CACNA1B: variants seen among roughly 807,000 people sequenced by gnomAD.
The protein encoded by CACNA1B is calcium voltage-gated channel subunit alpha1 B, also known as voltage-dependent N-type calcium channel subunit alpha-1B.
In CACNA1B, 70 loss-of-function variants were observed where a neutral mutation model predicts 247.2. The ratio of observed to expected loss-of-function variants is 0.28; its 90% confidence interval spans 0.23 to 0.35. CACNA1B has a LOEUF of 0.35. CACNA1B is among the 10% of genes least tolerant of loss of function. The pLI is 1.00. For missense variants in CACNA1B, 2,367 were observed against 3,197.4 expected (o/e 0.74, Z 6.26); for synonymous variants, 1,231 against 1,294.4 (o/e 0.95, Z 1.05).
chr9:138,096,379 C>A, intron 36 of CACNA1B, 105 bp from the exon 37 acceptor site: 2 of 912,566 alleles, frequency 2.2e-6, no homozygotes, highest in South Asian at 1.5e-5. Flanking sequence ...TCAGAGTGAC[C>A]CCTGCTATCC....
At chr9:137,939,755 A>C (rs1957709855) in intron 6 of CACNA1B, among the ~76,000 whole-genome samples, 1 of 151,884 alleles carries the variant, frequency 6.6e-6, no homozygotes, top group Non-Finnish European at 1.5e-5. Context: ...GTGAGCTGAG[A>C]TCACGCCACT....
In CACNA1B at chr9:137,979,086, T is replaced by A. The variant is rs377325942; in HGVS notation, c.1656+3067T>A. ...TGTCTTCCAATCTTCTGATCTGAAC[T>A]GACTGGATCTCAGGACATGGGGATA... On this transcript the variant is annotated intron_variant, in intron 12 of 46. Coordinates refer to ENST00000371372, the MANE Select transcript of CACNA1B (RefSeq NM_000718.4). Among the ~76,000 whole-genome samples the A allele has an allele frequency of 2.6e-5, 4 of 152,258 alleles. No homozygotes were observed. In the East Asian group the frequency reaches 5.8e-4, roughly 22 times the overall value.
chr9:138,091,872 AATAAAG>A (rs1960891098), intron 36 of CACNA1B, among the ~76,000 whole-genome samples: 1 of 152,214 alleles, frequency 6.6e-6, no homozygotes, highest in Non-Finnish European at 1.5e-5. Context: ...TGGTCTGAGA[AATAAAG>A]AGAAAGAGTA....
intron 31 of CACNA1B, among the ~76,000 whole-genome samples, chr9:138,060,120 C>A (rs529796278): frequency 6.6e-6 from 1 of 152,086 alleles, no homozygotes; most frequent in Admixed American, 6.6e-5. Flanking sequence ...TGCCCCCCAC[C>A]GTCTCTCTAT....
chr9:138,023,590 C>G lies in CACNA1B; in HGVS notation c.2847C>G (p.Gly949=). ...RHQDPSKECA[G]AKGERRARHR... ...AGGATCCGAGCAAGGAGTGCGCCGG[C>G]GCCAAGGGCGAGCGGCGCGCGCGGC... is the stretch of plus-strand genomic sequence containing the variant. The change falls in exon 19 of 47, where the codon GGC becomes GGG. Residue 949 remains glycine, a synonymous_variant. Transcript: ENST00000371372. 9.2e-7 allele frequency: 1 copy of G among 1,081,858 alleles called. No homozygotes were observed. Among genetic ancestry groups the G allele is most frequent in the Non-Finnish European group, 1.1e-6 (1 of 889,940 alleles). 67.0% of individuals were successfully genotyped at this position (1,081,858 alleles called of 1,614,324 possible). A position where few individuals can be genotyped will look rare whatever the true frequency, so the allele number is the denominator to read the frequency against.
intron 3 of CACNA1B, among the ~76,000 whole-genome samples, chr9:137,906,697 ATG>A (rs141288799): frequency 3.8e-4 from 57 of 151,768 alleles, no homozygotes; most frequent in African/African-American, 1.2e-3. Context: ...TATTTAACAT[ATG>A]TGTTTCTCTT....
chr9:138,097,918 C>T (rs1961109939), intron 37 of CACNA1B, among the ~76,000 whole-genome samples: 1 of 152,162 alleles, frequency 6.6e-6, no homozygotes, highest in African/African-American at 2.4e-5. Context: ...CTCAGCCTCC[C>T]CGGAGCACCC....
chr9:137,971,273 G>A lies in CACNA1B; in HGVS notation c.1334-110G>A. On this transcript the variant is annotated intron_variant, in intron 10 of 46. Transcript: ENST00000371372. This position sits in a 1 kb window ranked among gnomAD's most constrained non-coding sequence, Gnocchi z 4.4. ...GTCACTGGCACAATTGTCTGTGACCGGCTGGGGCTGGGGGCAGGTGTCCTC... is the reference window on the plus strand; with the variant it reads ...GTCACTGGCACAATTGTCTGTGACCAGCTGGGGCTGGGGGCAGGTGTCCTC... 5.5e-6 allele frequency: 4 copies of A among 726,802 alleles called. No individual in the cohort carries two copies. Among genetic ancestry groups the A allele is most frequent in the Non-Finnish European group, 7.1e-6 (3 of 424,474 alleles). 45.0% of individuals were successfully genotyped at this position (726,802 alleles called of 1,614,324 possible).
chr9:138,055,840 A>C (rs1959474761), intron 26 of CACNA1B, among the ~76,000 whole-genome samples: 1 of 152,088 alleles, frequency 6.6e-6, no homozygotes, highest in African/African-American at 2.4e-5. Context: ...GCCTGGTCAA[A>C]ATAGTGAAAC....
intron 36 of CACNA1B, among the ~76,000 whole-genome samples, chr9:138,089,941 A>G (rs1416144102): frequency 6.6e-6 from 1 of 152,262 alleles, no homozygotes; most frequent in African/African-American, 2.4e-5. Context: ...GATGAAAGAT[A>G]CTGAAGAGGA....
intron 21 of CACNA1B, among the ~76,000 whole-genome samples, chr9:138,044,271 C>T (rs1336011123): frequency 2.6e-5 from 4 of 152,252 alleles, no homozygotes; most frequent in Non-Finnish European, 5.9e-5. Context: ...TGTTTATTTG[C>T]ATGTCTATCC....
chr9:138,023,685 C>T lies in CACNA1B; in HGVS notation c.2942C>T (p.Ala981Val), dbSNP rs1295638734. 5.9e-6 allele frequency: 9 copies of T among 1,519,528 alleles called. No homozygotes were observed. Among genetic ancestry groups the T allele is most frequent in the Non-Finnish European group, 7.1e-6 (8 of 1,132,944 alleles). 94.1% of individuals were successfully genotyped at this position (1,519,528 alleles called of 1,614,324 possible). The change falls in exon 19 of 47, where the codon GCC (alanine) becomes GTC (valine). Residue 981 changes from alanine to valine, a missense_variant. Transcript: ENST00000371372. ...GAGGAGCCGGCGCGGCGGCACCGGG[C>T]CCGGCACAAGGCGCAGCCTGCTCAC... ...SGEEPARRHR[A>V]RHKAQPAHEA...
chr9:137,883,058 G>A, intron 3 of CACNA1B, 175 bp downstream of exon 3: 1 of 684,884 alleles, frequency 1.5e-6, no homozygotes, highest in Non-Finnish European at 2.5e-6. Flanking sequence ...GTGCTATGGG[G>A]GTGCTTCTCC....
At position 137,986,866 on chromosome 9, in the gene CACNA1B, G is replaced by A. The variant is rs752076786; in HGVS notation, c.1974+12G>A. ...TCACTGTCTTCCAGGTAAGGCACCT[G>A]CTCTGCACATTTGCGGCCTGCCCGG... On this transcript the variant is annotated intron_variant, in intron 15 of 46. Transcript: ENST00000371372. The surrounding 1 kb of genome is among the most constrained non-coding windows in gnomAD (Gnocchi z 6.0). The A allele has an allele frequency of 1.2e-6, 2 of 1,608,272 alleles. No individual in the cohort carries two copies. The highest frequency in any genetic ancestry group is 1.7e-6 in the Non-Finnish European group (2 of 1,174,876).
In CACNA1B at chr9:137,882,076, G is replaced by A. The variant is rs562498956; in HGVS notation, c.391-668G>A. ...GCGGTCGTCGCTCAGCACACTCAGG[G>A]CTGAGGTTGTGCTTCTCATTTCTGT... On this transcript the variant is annotated intron_variant, in intron 2 of 46. Transcript: ENST00000371372. This position sits in a 1 kb window ranked among gnomAD's most constrained non-coding sequence, Gnocchi z 4.0. Among the ~76,000 whole-genome samples the A allele has an allele frequency of 6.6e-6, 1 of 152,342 alleles. No homozygotes were observed. The highest frequency in any genetic ancestry group is 2.1e-4 in the South Asian group (1 of 4,826).
At chr9:138,031,957 C>T (rs1958992563) in intron 20 of CACNA1B, among the ~76,000 whole-genome samples, 1 of 151,670 alleles carries the variant, frequency 6.6e-6, no homozygotes. Context: ...TCAATTCTGT[C>T]TTTTATTTTG....
At position 138,073,770 on chromosome 9, in the gene CACNA1B, C is replaced by T. The variant is rs7874239; in HGVS notation, c.4791+166C>T. On this transcript the variant is annotated intron_variant, in intron 33 of 46. Coordinates refer to ENST00000371372, the MANE Select transcript of CACNA1B (RefSeq NM_000718.4). This position sits in a 1 kb window ranked among gnomAD's most constrained non-coding sequence, Gnocchi z 6.4. The stretch of plus-strand genomic sequence containing the variant: ...TGTCATTTATAAAGACGTTTTAAGT[C>T]ATCTGTAGGTTCCCTTGGTCATGCT... 0.38 allele frequency among the ~76,000 whole-genome samples: 57,451 copies of T among 152,118 alleles called. 15,152 individuals carry two copies. The highest frequency in any genetic ancestry group is 0.73 in the African/African-American group (30,410 of 41,478).
intron 6 of CACNA1B, among the ~76,000 whole-genome samples, chr9:137,942,326 A>G (rs1402358786): frequency 1.3e-5 from 2 of 152,224 alleles, no homozygotes; most frequent in African/African-American, 4.8e-5. Flanking sequence ...TAAAAATAAT[A>G]GATATTGGCA....
In CACNA1B at chr9:138,123,737, C is replaced by A. The variant is rs1962178864; in HGVS notation, c.*1738C>A. ...TCTCGGGGTTCAGCATGATTGTGACCAAACCTTTTTATAGAATTTCCTTAC... is the reference window on the plus strand; with the variant it reads ...TCTCGGGGTTCAGCATGATTGTGACAAAACCTTTTTATAGAATTTCCTTAC... On this transcript the variant is annotated 3_prime_UTR_variant, in exon 47 of 47. Transcript: ENST00000371372. 6.6e-6 allele frequency: 1 copy of A among 152,052 alleles called. No homozygotes were observed. The highest frequency in any genetic ancestry group is 1.5e-5 in the Non-Finnish European group (1 of 68,014). The allele number at this position is 152,052 out of a possible 1,614,324, so 9.4% of individuals were successfully genotyped here. A position where few individuals can be genotyped will look rare whatever the true frequency, so the allele number is the denominator to read the frequency against.
Sources: allele counts gnomAD v4.1 joint callset (sites outside exome capture counted in the v4.1 genomes callset), GRCh38; gene constraint gnomAD v4.1.1; non-coding constraint Gnocchi (gnomAD v3.1); transcripts MANE v1.5; gene names NCBI Gene and HGNC (gene_info 2026-07-23, HGNC 2026-07-21).